Variants in ATP10A observed in about 807,000 individuals in gnomAD.
ATP10A encodes ATPase phospholipid transporting 10A (putative).
Under a neutral mutation model 147.8 loss-of-function variants are expected in ATP10A, and 111 were observed. The ratio of observed to expected loss-of-function variants is 0.75; its 90% CI spans 0.64 to 0.88. The LOEUF (loss-of-function observed/expected upper bound fraction) is 0.88. Ranked by LOEUF, ATP10A falls within the 40% of genes least tolerant of loss-of-function variation. The probability of loss-of-function intolerance (pLI) is 0.00; values close to 1 mark genes in which losing one functional copy is unlikely to be tolerated. For synonymous variants in ATP10A, 875 were observed against 841.6 expected, an observed-to-expected ratio of 1.04 and a Z score of -0.69; for missense variants, 1,927 against 1,959.0, an observed-to-expected ratio of 0.98 and a Z score of 0.31.
chr15:25,834,877 A>C lies in ATP10A; in HGVS notation c.449+27771T>G, dbSNP rs368097432. Among the ~76,000 whole-genome samples, 21 of 152,366 alleles carry C rather than the reference A, an allele frequency of 1.4e-4. No individual in the cohort carries two copies. In the East Asian group the frequency reaches 3.3e-3, roughly 24 times the overall value. On this transcript the variant is annotated intron_variant, in intron 1 of 20. Coordinates refer to ENST00000555815, the MANE Select transcript of ATP10A (RefSeq NM_024490.4). Reference sequence around the variant, plus strand: ...CCAGTTACAAAGGACCATGTATTACACATGATCCATTTTTGTGAAATGCGC... The same window carrying C: ...CCAGTTACAAAGGACCATGTATTACCCATGATCCATTTTTGTGAAATGCGC...
At chr15:25,754,485 G>A (rs150788723) in intron 2 of ATP10A, among the ~76,000 whole-genome samples, 2 of 152,282 alleles carry the variant, frequency 1.3e-5, no homozygotes, top group Admixed American at 6.5e-5. Context: ...GCAGGAGGGC[G>A]TGAACTCCAG....
Position 25,713,961 on chromosome 15 carries a change from T to G in ATP10A, c.2057A>C (p.Glu686Ala). The change falls in exon 10 of 21, where the codon GAG (glutamate) becomes GCG (alanine). Residue 686 changes from glutamate (E) to alanine (A), a missense_variant. Glu to Ala is a moderately radical substitution (Grantham distance 107). Coordinates refer to ENST00000555815, the MANE Select transcript of ATP10A (RefSeq NM_024490.4). ...NWASELAQEQESERELRYEAE... is the reference protein window; with the variant it reads ...NWASELAQEQASERELRYEAE... ...CTCGTACCGCAGCTCGCGCTCTGAC[T>G]CCTGCTCCTGAGCAAGCTCCGAGGC... 1 of 1,610,286 alleles carries G rather than the reference T, an allele frequency of 6.2e-7. No individual in the cohort carries two copies. The highest frequency in any genetic ancestry group is 2.2e-5 in the East Asian group (1 of 44,866).
At chr15:25,708,423 G>A (rs1438843301) in intron 10 of ATP10A, 123 bp from the exon 11 acceptor site, 3 of 766,086 alleles carry the variant, frequency 3.9e-6, no homozygotes, top group South Asian at 1.8e-5. Context: ...TTTTCATATA[G>A]AATTCAAAGC....
chr15:25,672,779 T>G (rs185770754), downstream of ATP10A, among the ~76,000 whole-genome samples: 6 of 152,330 alleles, frequency 3.9e-5, no homozygotes, highest in East Asian at 1.2e-3. Context: ...TATGAGATTT[T>G]ATATGAATGA....
At chr15:25,691,854 G>A in intron 14 of ATP10A, 63 bp from the exon 15 acceptor site, 1 of 1,602,392 alleles carries the variant, frequency 6.2e-7, no homozygotes, top group Non-Finnish European at 8.6e-7. Flanking sequence ...TCAAATCAAT[G>A]TGCTAGATTT....
chr15:25,769,167 A>G (rs904679774), intron 2 of ATP10A, among the ~76,000 whole-genome samples: 1 of 151,976 alleles, frequency 6.6e-6, no homozygotes, highest in Non-Finnish European at 1.5e-5. Context: ...CTTTTGATCC[A>G]CTGTTATCCA....
intron 10 of ATP10A, 134 bp downstream of exon 10, chr15:25,713,540 C>A: frequency 1.0e-6 from 1 of 956,008 alleles, no homozygotes; most frequent in South Asian, 1.6e-5. Context: ...AGAAACCATG[C>A]AATTCTCCAA....
At chr15:25,782,240 C>T (rs1460728303) in intron 1 of ATP10A, among the ~76,000 whole-genome samples, 1 of 152,128 alleles carries the variant, frequency 6.6e-6, no homozygotes, top group Non-Finnish European at 1.5e-5. Flanking sequence ...GTGGATTAGG[C>T]ACCATCAGTG....
intron 1 of ATP10A, among the ~76,000 whole-genome samples, chr15:25,816,904 A>C (rs184550193): frequency 1.5e-4 from 23 of 152,262 alleles, no homozygotes; most frequent in African/African-American, 5.5e-4. Flanking sequence ...CAAACAAAAA[A>C]AATTCTGTTG....
chr15:25,727,096 G>A, intron 4 of ATP10A, 64 bp downstream of exon 4: 1 of 1,133,594 alleles, frequency 8.8e-7, no homozygotes, highest in East Asian at 2.4e-5. Context: ...AGAAAACAGT[G>A]AGGGGAAGTG....
chr15:25,752,920 T>C (rs533610007), intron 2 of ATP10A, among the ~76,000 whole-genome samples: 26 of 152,336 alleles, frequency 1.7e-4, no homozygotes, highest in Admixed American at 1.4e-3. Context: ...TTCTACATGC[T>C]GTTTTCTCTA....
chr15:25,692,005 G>T (rs542042869), intron 14 of ATP10A, among the ~76,000 whole-genome samples: 1 of 152,104 alleles, frequency 6.6e-6, no homozygotes, highest in African/African-American at 2.4e-5. Context: ...TTCGGAAAGC[G>T]GGCTGGAGCT....
At chr15:25,714,313 C>A (rs1265707746) in intron 9 of ATP10A, 72 bp from the exon 10 acceptor site, 1 of 1,390,604 alleles carries the variant, frequency 7.2e-7, no homozygotes, top group Non-Finnish European at 9.9e-7. Context: ...CTGGTTCCCA[C>A]AGGATGCTCC....
chr15:25,780,400 T>C (rs1272477502), intron 2 of ATP10A, among the ~76,000 whole-genome samples: 1 of 152,230 alleles, frequency 6.6e-6, no homozygotes, highest in Non-Finnish European at 1.5e-5. Flanking sequence ...CCCTGTCAGT[T>C]CACCTGGCAT....
chr15:25,841,167 A>G (rs1892796053), intron 1 of ATP10A, among the ~76,000 whole-genome samples: 1 of 152,068 alleles, frequency 6.6e-6, no homozygotes. Flanking sequence ...TTCTTTGTCT[A>G]GTCTTAGATC....
chr15:25,854,418 A>G (rs1398013931), intron 1 of ATP10A, among the ~76,000 whole-genome samples: 2 of 152,246 alleles, frequency 1.3e-5, no homozygotes, highest in South Asian at 4.1e-4. Context: ...TAGTTCATCA[A>G]TAGAGAAGGA....
At chr15:25,837,803 C>CGGAAGG (rs1892657200) in intron 1 of ATP10A, among the ~76,000 whole-genome samples, 1 of 152,118 alleles carries the variant, frequency 6.6e-6, no homozygotes, top group African/African-American at 2.4e-5. Context: ...TCTGGGCTAA[C>CGGAAGG]GGAAGGGGAA....
At chr15:25,768,683 A>ATTTTTTTTTT (rs143608940) in intron 2 of ATP10A, among the ~76,000 whole-genome samples, 2 of 89,646 alleles carry the variant, frequency 2.2e-5, no homozygotes, top group East Asian at 3.1e-4. Flanking sequence ...AGCTGGGCTA[A>ATTTTTTTTTT]TTTTTTTTTT....
chr15:25,789,252 T>C (rs529550740), intron 1 of ATP10A, among the ~76,000 whole-genome samples: 2 of 152,262 alleles, frequency 1.3e-5, no homozygotes, highest in African/African-American at 4.8e-5. Flanking sequence ...TGAGCCCCCA[T>C]GCCTGGCCAG....
Sources: allele counts gnomAD v4.1 joint callset (sites outside exome capture counted in the v4.1 genomes callset), GRCh38; gene constraint gnomAD v4.1.1; transcripts MANE v1.5; gene names NCBI Gene and HGNC (gene_info 2026-07-23, HGNC 2026-07-21).